OR2A12: variants seen among roughly 807,000 people sequenced by gnomAD.
The protein encoded by OR2A12 is olfactory receptor 2A12.
For synonymous variants in OR2A12, 153 were observed against 149.3 expected, an observed-to-expected ratio of 1.02 and a Z score of -0.18; for missense variants, 380 against 372.5, an observed-to-expected ratio of 1.02 and a Z score of -0.17.
At chr7:144,087,230 C>T (rs544693675) in intron 1 of OR2A12, among the ~76,000 whole-genome samples, 1 of 152,182 alleles carries the variant, frequency 6.6e-6, no homozygotes, top group East Asian at 1.9e-4. Flanking sequence ...AGCAAAGTAA[C>T]ATTAGGGTTC....
chr7:144,095,568 T>C lies in OR2A12; in HGVS notation c.461T>C (p.Leu154Ser), dbSNP rs2051256878. The C allele has an allele frequency of 6.8e-6, 11 of 1,614,032 alleles. No homozygotes were observed. The East Asian group carries it at 2.5e-4, about 36-fold the overall frequency. ...ASTCWIFSFL[L>S]ALVHITLILR... Reference sequence around the variant, plus strand: ...ACTTGCTGGATATTTAGCTTTCTCTTGGCTCTGGTCCATATTACTCTTATT... The same window carrying C: ...ACTTGCTGGATATTTAGCTTTCTCTCGGCTCTGGTCCATATTACTCTTATT... Residue 154 changes from leucine to serine, a missense_variant, in exon 2 of 2, where the codon TTG becomes TCG. Leu to Ser is a moderately radical substitution (Grantham distance 145). Transcript: ENST00000641592.
intron 1 of OR2A12, among the ~76,000 whole-genome samples, chr7:144,091,703 AT>A (rs991948599): frequency 4.6e-5 from 7 of 150,746 alleles, no homozygotes; most frequent in East Asian, 2.0e-4. Context: ...TTTTAATGGG[AT>A]TTTTTTTTGT....
Position 144,098,709 on chromosome 7 carries a change from G to C in OR2A12, c.*2669G>C, listed in dbSNP as rs1022051630. 6.6e-6 allele frequency: 1 copy of C among 152,238 alleles called. No individual in the cohort carries two copies. The highest frequency in any genetic ancestry group is 1.5e-5 in the Non-Finnish European group (1 of 68,042). The allele number at this position is 152,238 out of a possible 1,614,324, so 9.4% of individuals were successfully genotyped here. A position where few individuals can be genotyped will look rare whatever the true frequency, so the allele number is the denominator to read the frequency against. ...GACTTTCTTCTGGCTTTCAGAGAGT[G>C]TCTTCCCACTGTGTCTACACATGGC... On this transcript the variant is annotated 3_prime_UTR_variant, in exon 2 of 2. Transcript: ENST00000641592.
chr7:144,095,737 C>G lies in OR2A12; in HGVS notation c.630C>G (p.Leu210=), dbSNP rs1458296476. 1 of 1,614,102 alleles carries G rather than the reference C, an allele frequency of 6.2e-7. No individual in the cohort carries two copies. The highest frequency in any genetic ancestry group is 1.3e-5 in the African/African-American group (1 of 75,002). ...CTGCGTTCATCTTAGTGGGGCCGCT[C>G]TGCCTGGTGCTGGTCTCCTACTTGC... is the stretch of plus-strand genomic sequence containing the variant. The part of the protein sequence containing the change: ...AGSAFILVGP[L]CLVLVSYLHI... Residue 210 remains leucine (L), a synonymous_variant, in exon 2 of 2, where the codon CTC becomes CTG. Coordinates refer to ENST00000641592, the MANE Select transcript of OR2A12 (RefSeq NM_001004135.2).
At chr7:144,090,942 A>C (rs771920867) in intron 1 of OR2A12, among the ~76,000 whole-genome samples, 1 of 152,094 alleles carries the variant, frequency 6.6e-6, no homozygotes, top group Non-Finnish European at 1.5e-5. Flanking sequence ...AGTTTTTAAT[A>C]TTTAGGTTGA....
Position 144,096,368 on chromosome 7 carries a change from A to C in OR2A12, c.*328A>C, listed in dbSNP as rs1336664702. 1.1e-5 allele frequency: 2 copies of C among 184,212 alleles called. No individual in the cohort carries two copies. Among genetic ancestry groups the C allele is most frequent in the Admixed American group, 5.3e-5 (1 of 18,746 alleles). 11.4% of individuals were successfully genotyped at this position (184,212 alleles called of 1,614,324 possible). Reference sequence around the variant, plus strand: ...TCTACTTGGGAGGCTGAGGCAGGAGAATCGTTTGAACCCAGGAGGCGGAGG... The same window carrying C: ...TCTACTTGGGAGGCTGAGGCAGGAGCATCGTTTGAACCCAGGAGGCGGAGG... On this transcript the variant is annotated 3_prime_UTR_variant, in exon 2 of 2. Transcript: ENST00000641592.
In OR2A12 at chr7:144,096,086, C is replaced by A; in HGVS notation, c.*46C>A. 7.3e-7 allele frequency: 1 copy of A among 1,369,982 alleles called. No homozygotes were observed. Among genetic ancestry groups the A allele is most frequent in the African/African-American group, 1.5e-5 (1 of 68,622 alleles). The allele number at this position is 1,369,982 out of a possible 1,614,324, so 84.9% of individuals were successfully genotyped here. A position where few individuals can be genotyped will look rare whatever the true frequency, so the allele number is the denominator to read the frequency against. Reference sequence around the variant, plus strand: ...GAGTGTGTAAGCATGGTTCTCATGACCCTGGGTCCTGAAATTTCCTTTTTA... The same window carrying A: ...GAGTGTGTAAGCATGGTTCTCATGAACCTGGGTCCTGAAATTTCCTTTTTA... On this transcript the variant is annotated 3_prime_UTR_variant, in exon 2 of 2. Coordinates refer to ENST00000641592, the MANE Select transcript of OR2A12 (RefSeq NM_001004135.2).
Position 144,096,181 on chromosome 7 carries a change from G to T in OR2A12, c.*141G>T, listed in dbSNP as rs372767343. On this transcript the variant is annotated 3_prime_UTR_variant, in exon 2 of 2. Coordinates refer to ENST00000641592, the MANE Select transcript of OR2A12 (RefSeq NM_001004135.2). ...TTATAAAAAGAGAAACTGGCCTGGC[G>T]TGGTGGCTGAAGCCTGTAATCCCAA... is the stretch of plus-strand genomic sequence containing the variant. 12 of 678,702 alleles carry T rather than the reference G, an allele frequency of 1.8e-5. No homozygotes were observed. In the South Asian group the frequency reaches 2.1e-4, roughly 12 times the overall value. The allele number at this position is 678,702 out of a possible 1,614,324, so 42.0% of individuals were successfully genotyped here.
rs1463591163 is a variant in OR2A12, at chr7:144,096,550, G to GA, written c.*514dup. Reference sequence around the variant, plus strand: ...AAACCTGAGATAAACTTATGAAACAGAAAATCACAATCTAATCCTACTCAT... The same window carrying GA: ...AAACCTGAGATAAACTTATGAAACAGAAAAATCACAATCTAATCCTACTCAT... On this transcript the variant is annotated 3_prime_UTR_variant, in exon 2 of 2. Transcript: ENST00000641592. 1.3e-5 allele frequency: 2 copies of GA among 152,748 alleles called. No individual in the cohort carries two copies. Among genetic ancestry groups the GA allele is most frequent in the South Asian group, 2.1e-4 (1 of 4,840 alleles). 9.5% of individuals were successfully genotyped at this position (152,748 alleles called of 1,614,324 possible).
At position 144,095,152 on chromosome 7, in the gene OR2A12, A is replaced by T. The variant is rs1271019804; in HGVS notation, c.45A>T (p.Gly15=). 1.2e-6 allele frequency: 2 copies of T among 1,613,416 alleles called. No homozygotes were observed. The highest frequency in any genetic ancestry group is 1.7e-6 in the Non-Finnish European group (2 of 1,179,664). The part of the protein sequence containing the change: ...QTWITEVILL[G]FQVDPALELF... ...GGATCACAGAAGTCATCCTGTTGGG[A>T]TTCCAGGTGGACCCAGCTCTGGAGT... is the stretch of plus-strand genomic sequence containing the variant. Residue 15 remains glycine (G), a synonymous_variant, in exon 2 of 2, where the codon GGA becomes GGT. Coordinates refer to ENST00000641592, the MANE Select transcript of OR2A12 (RefSeq NM_001004135.2).
chr7:144,096,111 A>C lies in OR2A12; in HGVS notation c.*71A>C. 9.1e-7 allele frequency: 1 copy of C among 1,104,178 alleles called. No individual in the cohort carries two copies. The highest frequency in any genetic ancestry group is 1.3e-6 in the Non-Finnish European group (1 of 758,764). The allele number at this position is 1,104,178 out of a possible 1,614,324, so 68.4% of individuals were successfully genotyped here. On this transcript the variant is annotated 3_prime_UTR_variant, in exon 2 of 2. Coordinates refer to ENST00000641592, the MANE Select transcript of OR2A12 (RefSeq NM_001004135.2). ...CCCTGGGTCCTGAAATTTCCTTTTTAATTCTTTAATTTACCACACCCAATA... is the reference window on the plus strand; with the variant it reads ...CCCTGGGTCCTGAAATTTCCTTTTTCATTCTTTAATTTACCACACCCAATA...
Position 144,095,937 on chromosome 7 carries a change from A to C in OR2A12, c.830A>C (p.Tyr277Ser). ...QERRKILSLFYSLFNPILNPL... is the reference protein window; with the variant it reads ...QERRKILSLFSSLFNPILNPL... ...CGGAGGAAGATCCTTTCCCTGTTTT[A>C]CAGCCTTTTCAACCCGATCCTGAAC... is the stretch of plus-strand genomic sequence containing the variant. The change falls in exon 2 of 2, where the codon TAC becomes TCC. Residue 277 changes from tyrosine (Y) to serine (S), a missense_variant. Tyr to Ser is a moderately radical substitution (Grantham distance 144). Transcript: ENST00000641592. 1 of 1,614,088 alleles carries C rather than the reference A, an allele frequency of 6.2e-7. No homozygotes were observed.
intron 1 of OR2A12, among the ~76,000 whole-genome samples, chr7:144,090,164 T>C (rs1054557789): frequency 2.6e-5 from 4 of 151,428 alleles, no homozygotes; most frequent in Non-Finnish European, 4.4e-5. Context: ...TCTCTGTCAG[T>C]GGAATTGTTG....
At position 144,095,533 on chromosome 7, in the gene OR2A12, C is replaced by T. The variant is rs765900485; in HGVS notation, c.426C>T (p.Val142=). The T allele has an allele frequency of 2.5e-6, 4 of 1,613,986 alleles. No individual in the cohort carries two copies. Among genetic ancestry groups the T allele is most frequent in the Non-Finnish European group, 3.4e-6 (4 of 1,180,020 alleles). The change falls in exon 2 of 2, where the codon GTC becomes GTT. Residue 142 remains valine, a synonymous_variant. Coordinates refer to ENST00000641592, the MANE Select transcript of OR2A12 (RefSeq NM_001004135.2). ...TTATGAACTGGAGAGTGTGCACTGT[C>T]CTGGCCTCAACTTGCTGGATATTTA... ...TLIMNWRVCT[V]LASTCWIFSF... is the part of the protein sequence containing the mutation.
chr7:144,093,328 T>C (rs1412796918), intron 1 of OR2A12, among the ~76,000 whole-genome samples: 1 of 152,172 alleles, frequency 6.6e-6, no homozygotes, highest in Non-Finnish European at 1.5e-5. Flanking sequence ...TTTATGTCTC[T>C]AAGTGGTGCT....
At chr7:144,091,815 G>T (rs748030202) in intron 1 of OR2A12, among the ~76,000 whole-genome samples, 9 of 151,974 alleles carry the variant, frequency 5.9e-5, no homozygotes, top group African/African-American at 7.3e-5. Flanking sequence ...TATCTACTTT[G>T]TTGATAATTT....
At chr7:144,092,739 AT>A (rs774652455) in intron 1 of OR2A12, among the ~76,000 whole-genome samples, 3 of 152,074 alleles carry the variant, frequency 2.0e-5, no homozygotes, top group Non-Finnish European at 4.4e-5. Context: ...TTCTATTTAA[AT>A]TTTGCAGTCC....
rs760369758 is a variant in OR2A12, at chr7:144,095,749, G to C, written c.642G>C (p.Leu214=). Residue 214 remains leucine (L), a synonymous_variant, in exon 2 of 2, where the codon CTG becomes CTC. Transcript: ENST00000641592. ...TAGTGGGGCCGCTCTGCCTGGTGCT[G>C]GTCTCCTACTTGCACATCCTGGTGG... is the stretch of plus-strand genomic sequence containing the variant. The part of the protein sequence containing the change: ...FILVGPLCLV[L]VSYLHILVAI... The C allele has an allele frequency of 6.2e-7, 1 of 1,614,092 alleles. No homozygotes were observed. Among genetic ancestry groups the C allele is most frequent in the Non-Finnish European group, 8.5e-7 (1 of 1,180,018 alleles).
chr7:144,091,166 G>A (rs139644072), intron 1 of OR2A12, among the ~76,000 whole-genome samples: 58 of 152,302 alleles, frequency 3.8e-4, no homozygotes, highest in African/African-American at 1.1e-3. Context: ...CAAGGCAGGC[G>A]GATCATTTGA....
Sources: gnomAD v4.1 joint callset for allele counts (sites outside exome capture counted in the v4.1 genomes callset) on GRCh38, gnomAD v4.1.1 for gene constraint, MANE v1.5 for transcripts, NCBI Gene and HGNC (gene_info 2026-07-23, HGNC 2026-07-21) for gene names.